CBX7: variants seen among roughly 807,000 people sequenced by gnomAD.
CBX7 encodes the protein chromobox protein homolog 7.
Under a neutral mutation model 31.4 loss-of-function variants are expected in CBX7, and 14 were observed. The ratio of observed to expected loss-of-function variants is 0.45; its 90% CI spans 0.29 to 0.70. CBX7 has a LOEUF of 0.70. Ranked by LOEUF, CBX7 falls within the 30% of genes least tolerant of loss-of-function variation. CBX7 has a pLI of 0.11. For synonymous variants in CBX7, 159 were observed against 152.6 expected (o/e 1.04, Z -0.31); for missense variants, 269 against 351.9 (o/e 0.76, Z 1.89).
At chr22:39,134,879 T>A in intron 4 of CBX7, 127 bp from the exon 5 acceptor site, 1 of 653,516 alleles carries the variant, frequency 1.5e-6, no homozygotes, top group Non-Finnish European at 2.5e-6. Context: ...CTCCTTCCCA[T>A]GCCACGGCTG....
At chr22:39,134,316 C>A in intron 5 of CBX7, 85 bp downstream of exon 5, 2 of 1,187,004 alleles carry the variant, frequency 1.7e-6, no homozygotes, top group Non-Finnish European at 1.2e-6. Flanking sequence ...CACTACAGGC[C>A]CTCTTTGGAC....
chr22:39,139,222 C>T (rs557967667), intron 3 of CBX7, among the ~76,000 whole-genome samples: 4 of 152,264 alleles, frequency 2.6e-5, no homozygotes, highest in South Asian at 2.1e-4. Context: ...CCCATCTTGT[C>T]GGGGGACAGG....
intron 1 of CBX7, 145 bp from the exon 2 acceptor site, chr22:39,149,977 T>G: frequency 1.4e-6 from 1 of 707,768 alleles, no homozygotes; most frequent in Non-Finnish European, 2.5e-6. Context: ...ATCCGGGGAC[T>G]GTCCACCAGA....
Position 39,134,585 on chromosome 22 carries a change from C to T in CBX7, c.414G>A (p.Pro138=), listed in dbSNP as rs376324314. Residue 138 remains proline, a synonymous_variant, in exon 5 of 6, where the codon CCG becomes CCA. Coordinates refer to ENST00000216133, the MANE Select transcript of CBX7 (RefSeq NM_175709.5). ...KGPLVPTLPF[P]LRKPRKAHKY... is the part of the protein sequence containing the mutation. ...TGTGGGCCTTTCGGGGCTTGCGGAG[C>T]GGGAAGGGCAGGGTGGGCACCAAGG... The T allele has an allele frequency of 6.9e-6, 11 of 1,596,556 alleles. No individual in the cohort carries two copies. The highest frequency in any genetic ancestry group is 5.4e-5 in the African/African-American group (4 of 74,672).
intron 3 of CBX7, among the ~76,000 whole-genome samples, chr22:39,140,749 AG>A (rs1930425269): frequency 6.6e-6 from 1 of 152,186 alleles, no homozygotes; most frequent in East Asian, 1.9e-4. Context: ...GCGGCCAGAG[AG>A]GGCACACAGA....
chr22:39,140,389 A>G (rs1348523915), intron 3 of CBX7, among the ~76,000 whole-genome samples: 2 of 152,192 alleles, frequency 1.3e-5, no homozygotes, highest in Non-Finnish European at 2.9e-5. Context: ...CACACCTGGG[A>G]GGCAGAAAGA....
intron 1 of CBX7, among the ~76,000 whole-genome samples, chr22:39,151,518 G>A (rs1181372124): frequency 1.3e-5 from 2 of 152,172 alleles, no homozygotes; most frequent in Admixed American, 1.3e-4. Context: ...GACCCCCTAA[G>A]GCCCCTCCCA....
intron 3 of CBX7, among the ~76,000 whole-genome samples, chr22:39,139,220 G>C (rs1366052332): frequency 6.6e-6 from 1 of 152,164 alleles, no homozygotes; most frequent in East Asian, 1.9e-4. Flanking sequence ...GTCCCATCTT[G>C]TCGGGGGACA....
chr22:39,150,228 G>C (rs1360036118), intron 1 of CBX7, among the ~76,000 whole-genome samples: 1 of 152,228 alleles, frequency 6.6e-6, no homozygotes, highest in Admixed American at 6.5e-5. Context: ...TAGATTGGAA[G>C]AGTCTCCAAA....
intron 2 of CBX7, among the ~76,000 whole-genome samples, chr22:39,146,794 C>G (rs974020968): frequency 2.0e-5 from 3 of 152,194 alleles, no homozygotes; most frequent in African/African-American, 7.2e-5. Context: ...TAGGGCCACT[C>G]CTTCCAAAAC....
intron 3 of CBX7, 178 bp downstream of exon 3, chr22:39,141,193 G>A: frequency 1.8e-6 from 1 of 557,912 alleles, no homozygotes; most frequent in Non-Finnish European, 3.2e-6. Flanking sequence ...GGGCCCCAGG[G>A]TCCTCAGCTG....
chr22:39,146,542 A>T (rs971227755), intron 2 of CBX7, among the ~76,000 whole-genome samples: 3 of 152,268 alleles, frequency 2.0e-5, no homozygotes, highest in Non-Finnish European at 4.4e-5. Context: ...ACTGGCCAAA[A>T]GGCCAGCAGG....
chr22:39,141,286 C>G (rs1930445831), intron 3 of CBX7, 85 bp downstream of exon 3: 2 of 1,260,298 alleles, frequency 1.6e-6, no homozygotes, highest in South Asian at 2.5e-5. Flanking sequence ...CCTGCCCCAA[C>G]AACCCCTGCC....
At chr22:39,146,114 C>G (rs1038061014) in intron 2 of CBX7, among the ~76,000 whole-genome samples, 7 of 152,200 alleles carry the variant, frequency 4.6e-5, no homozygotes, top group Admixed American at 3.3e-4. Flanking sequence ...GGTGCGGCCT[C>G]GTTCAGGAGA....
In CBX7 at chr22:39,139,715, A is replaced by AG. The variant is rs1376383078; in HGVS notation, c.180-1014_180-1013insC. On this transcript the variant is annotated intron_variant, in intron 3 of 5. Transcript: ENST00000216133. ...GAGACTCCATCTCAAAAAAAAAAAA[A>AG]AAAAAAGAAAGAAAGAAAAAGAAAA... 1.0e-4 allele frequency among the ~76,000 whole-genome samples: 15 copies of AG among 145,274 alleles called. 1 individual carries two copies. Among genetic ancestry groups the AG allele is most frequent in the African/African-American group, 3.6e-4 (14 of 39,290 alleles).
chr22:39,147,897 G>A (rs1462518038), intron 2 of CBX7: 1 of 152,266 alleles, frequency 6.6e-6, no homozygotes, highest in African/African-American at 2.4e-5. Context: ...AGAACAGCTA[G>A]GCTATCTATC....
intron 4 of CBX7, 51 bp from the exon 5 acceptor site, chr22:39,134,803 C>A: frequency 1.7e-6 from 2 of 1,177,032 alleles, no homozygotes; most frequent in Non-Finnish European, 2.3e-6. Flanking sequence ...TCCCACCCGC[C>A]ACACCTTTGC....
chr22:39,146,816 A>T, intron 2 of CBX7, among the ~76,000 whole-genome samples: 1 of 152,174 alleles, frequency 6.6e-6, no homozygotes, highest in East Asian at 1.9e-4. Flanking sequence ...ATGGAGAACC[A>T]TTCACAAGTG....
rs118101115 is a variant in CBX7 at position 39,140,887 on chromosome 22, G to A, written c.179+484C>T. Among the ~76,000 whole-genome samples the A allele has an allele frequency of 1.1e-4, 16 of 152,282 alleles. No individual in the cohort carries two copies. In the East Asian group the frequency reaches 2.7e-3, roughly 26 times the overall value. Reference sequence around the variant, plus strand: ...CAGAAATCCCAGCCCCAAAGCCCACGCTCCTGCCCAGCCTTCCTTGAGCTT... The same window carrying A: ...CAGAAATCCCAGCCCCAAAGCCCACACTCCTGCCCAGCCTTCCTTGAGCTT... On this transcript the variant is annotated intron_variant, in intron 3 of 5. Coordinates refer to ENST00000216133, the MANE Select transcript of CBX7 (RefSeq NM_175709.5).
Sources: gnomAD v4.1 joint callset for allele counts (sites outside exome capture counted in the v4.1 genomes callset) on GRCh38, gnomAD v4.1.1 for gene constraint, MANE v1.5 for transcripts, NCBI Gene and HGNC (gene_info 2026-07-23, HGNC 2026-07-21) for gene names.